The following PLS1 variants were observed in gnomAD, a reference collection of about 807,000 sequenced individuals.
PLS1 encodes plastin-1.
PLS1 carries 32 observed loss-of-function variants against 73.7 expected under a neutral mutation model. The observed-to-expected ratio is 0.43, with a 90% CI of 0.33 to 0.58. The LOEUF (loss-of-function observed/expected upper bound fraction) is 0.58, where lower values mean the gene tolerates loss of function less well. Ranked by LOEUF, PLS1 falls within the 20% of genes least tolerant of loss-of-function variation. PLS1 has a pLI of 0.04. For missense variants in PLS1, 633 were observed against 740.5 expected (o/e 0.85, Z 1.68); for synonymous variants, 217 against 261.3 (o/e 0.83, Z 1.63).
intron 1 of PLS1, chr3:142,645,354 T>G (rs989875168): frequency 6.6e-6 from 1 of 152,230 alleles, no homozygotes; most frequent in African/African-American, 2.4e-5. Context: ...CTTGCAACTC[T>G]GAAAAGCACT....
At chr3:142,622,348 C>A (rs1365823710) in intron 1 of PLS1, among the ~76,000 whole-genome samples, 2 of 152,198 alleles carry the variant, frequency 1.3e-5, no homozygotes, top group African/African-American at 4.8e-5. Context: ...AAATCACCAC[C>A]ACAATCAAGA....
intron 1 of PLS1, among the ~76,000 whole-genome samples, chr3:142,661,932 TA>T (rs912092460): frequency 4.0e-5 from 6 of 151,736 alleles, no homozygotes; most frequent in Non-Finnish European, 5.9e-5. Context: ...TGCTTTCACT[TA>T]AAAAAAATAG....
chr3:142,673,177 C>A (rs57625476), intron 4 of PLS1, among the ~76,000 whole-genome samples: 4,208 of 152,116 alleles, frequency 0.028, 194 homozygotes, highest in African/African-American at 0.096. Flanking sequence ...AAGTGCATAA[C>A]CATGCCTCCC....
intron 1 of PLS1, among the ~76,000 whole-genome samples, chr3:142,625,848 C>T (rs1223692177): frequency 2.0e-5 from 3 of 152,140 alleles, no homozygotes; most frequent in Non-Finnish European, 4.4e-5. Context: ...GTGGCATACG[C>T]CTGTAGTCCC....
rs538219721 is a variant in PLS1, at chr3:142,704,944, T to C, written c.1629+358T>C. Among the ~76,000 whole-genome samples the C allele has an allele frequency of 7.9e-5, 12 of 151,864 alleles. No individual in the cohort carries two copies. In the South Asian group the frequency reaches 2.1e-3, roughly 26 times the overall value. On this transcript the variant is annotated intron_variant, in intron 14 of 15. Coordinates refer to ENST00000457734, the MANE Select transcript of PLS1 (RefSeq NM_001145319.2). ...AAGTGTTGGGATTACAGGCATGAGC[T>C]ACCACGCCTGGCCAGGAACGAATTT... is the stretch of plus-strand genomic sequence containing the variant.
intron 1 of PLS1, among the ~76,000 whole-genome samples, chr3:142,643,825 ATTTTTT>A (rs67216911): frequency 4.1e-5 from 5 of 122,912 alleles, no homozygotes; most frequent in Non-Finnish European, 5.0e-5. Context: ...TCTTCATTTC[ATTTTTT>A]TTTTTTTTTT....
chr3:142,616,061 A>T (rs770589626), intron 1 of PLS1, among the ~76,000 whole-genome samples: 6 of 152,212 alleles, frequency 3.9e-5, no homozygotes, highest in Non-Finnish European at 7.3e-5. Context: ...TGGGCCCAAG[A>T]CACTTACTGT....
chr3:142,668,407 G>A (rs1469086457), intron 2 of PLS1, among the ~76,000 whole-genome samples: 1 of 152,140 alleles, frequency 6.6e-6, no homozygotes. Flanking sequence ...TAATGAAGAA[G>A]CAATGAATTA....
intron 2 of PLS1, among the ~76,000 whole-genome samples, chr3:142,667,434 TAAGTC>T (rs918981744): frequency 6.6e-5 from 10 of 151,900 alleles, no homozygotes; most frequent in Admixed American, 5.9e-4. Context: ...TTTCATGAGA[TAAGTC>T]AAGTTCTTAT....
At chr3:142,711,812 A>C (rs1933141584) in intron 15 of PLS1, 60 bp from the exon 16 acceptor site, 2 of 1,549,006 alleles carry the variant, frequency 1.3e-6, no homozygotes, top group Admixed American at 1.8e-5. Context: ...CTCTTTTGTT[A>C]AAATATGTTA....
intron 1 of PLS1, among the ~76,000 whole-genome samples, chr3:142,608,471 A>G (rs1166790719): frequency 6.6e-6 from 1 of 152,198 alleles, no homozygotes; most frequent in Non-Finnish European, 1.5e-5. Context: ...ACCTACATCA[A>G]TCCCAGTAAT....
Position 142,603,474 on chromosome 3 carries a change from C to G in PLS1, c.-37+6965C>G, listed in dbSNP as rs540245128. ...TTATGATTGACTTTTGTGAGCAATTCACAGCTATAAAACTACGAGACTGGC... is the reference window on the plus strand; with the variant it reads ...TTATGATTGACTTTTGTGAGCAATTGACAGCTATAAAACTACGAGACTGGC... On this transcript the variant is annotated intron_variant, in intron 1 of 15. Transcript: ENST00000457734. Among the ~76,000 whole-genome samples, 206 of 152,236 alleles carry G rather than the reference C, an allele frequency of 1.4e-3. 1 individual carries two copies. The highest frequency in any genetic ancestry group is 7.4e-4 in the Non-Finnish European group (50 of 68,018).
intron 14 of PLS1, 49 bp downstream of exon 14, chr3:142,704,635 A>ATTTTTTTTTTTTTTTTTTTTT (rs10631186): frequency 4.0e-6 from 1 of 248,090 alleles, no homozygotes. Context: ...ATAGGAAGGA[A>ATTTTTTTTTTTTTTTTTTTTT]TTTTTTTTTT....
rs1453778447 is a variant in PLS1 at position 142,713,035 on chromosome 3, A to C, written c.*1028A>C. ...CTATAGAAGCCCTATATAATTTAGA[A>C]TATGCCCACTGAATATCTTTAATAG... On this transcript the variant is annotated 3_prime_UTR_variant, in exon 16 of 16. Coordinates refer to ENST00000457734, the MANE Select transcript of PLS1 (RefSeq NM_001145319.2). 1 of 152,542 alleles carries C rather than the reference A, an allele frequency of 6.6e-6. No homozygotes were observed. Among genetic ancestry groups the C allele is most frequent in the African/African-American group, 2.4e-5 (1 of 41,442 alleles). The allele number at this position is 152,542 out of a possible 1,614,324, so 9.4% of individuals were successfully genotyped here.
chr3:142,639,194 C>T (rs953619934), intron 1 of PLS1, among the ~76,000 whole-genome samples: 5 of 152,140 alleles, frequency 3.3e-5, no homozygotes, highest in East Asian at 3.8e-4. Context: ...GAAACTTCGT[C>T]GTATCATAGC....
chr3:142,599,103 G>A (rs1451626744), intron 1 of PLS1, among the ~76,000 whole-genome samples: 1 of 151,748 alleles, frequency 6.6e-6, no homozygotes, highest in Non-Finnish European at 1.5e-5. Flanking sequence ...TCTGAAGGAT[G>A]ACCTTTAACC....
At chr3:142,691,175 T>C (rs1015078788) in intron 10 of PLS1, among the ~76,000 whole-genome samples, 9 of 152,124 alleles carry the variant, frequency 5.9e-5, no homozygotes, top group African/African-American at 1.7e-4. Context: ...TTGTGATTAA[T>C]GAACGACGTT....
At chr3:142,641,562 T>C (rs2108614110) in intron 1 of PLS1, among the ~76,000 whole-genome samples, 1 of 152,084 alleles carries the variant, frequency 6.6e-6, no homozygotes, top group East Asian at 1.9e-4. Flanking sequence ...AAAGTCCTTT[T>C]TGTGATTCCC....
Position 142,610,115 on chromosome 3 carries a change from C to T in PLS1, c.-37+13606C>T, listed in dbSNP as rs143037330. Among the ~76,000 whole-genome samples, 477 of 152,274 alleles carry T rather than the reference C, an allele frequency of 3.1e-3. 1 individual carries two copies. Among genetic ancestry groups the T allele is most frequent in the African/African-American group, 0.01 (430 of 41,560 alleles). The stretch of plus-strand genomic sequence containing the variant: ...AATTCCTGACCTCAGTTGATCCATC[C>T]GCCTCGGCCTCCCACAAAGCTTGTA... On this transcript the variant is annotated intron_variant, in intron 1 of 15. Transcript: ENST00000457734.
Sources: allele counts gnomAD v4.1 joint callset (sites outside exome capture counted in the v4.1 genomes callset), GRCh38; gene constraint gnomAD v4.1.1; transcripts MANE v1.5; gene names NCBI Gene and HGNC (gene_info 2026-07-23, HGNC 2026-07-21).